Variants in MRPS9 observed in about 807,000 individuals in gnomAD.
The protein encoded by MRPS9 is mitochondrial ribosomal protein S9.
MRPS9 carries 45 observed loss-of-function variants against 59.9 expected under a neutral mutation model. That is an observed-to-expected ratio of 0.75 (90% CI 0.59 to 0.96). MRPS9 has a LOEUF of 0.96. Among genes scored for constraint, MRPS9 ranks in the 40% least tolerant of loss-of-function variants. MRPS9 has a pLI of 0.00. For synonymous variants in MRPS9, 171 were observed against 166.8 expected (o/e 1.03, Z -0.19); for missense variants, 473 against 481.1 (o/e 0.98, Z 0.16).
intron 4 of MRPS9, among the ~76,000 whole-genome samples, chr2:105,074,490 A>C (rs1276559428): frequency 1.3e-5 from 2 of 152,200 alleles, no homozygotes; most frequent in African/African-American, 4.8e-5. Flanking sequence ...CTCTCAAGTA[A>C]GAATTGTTAG....
chr2:105,078,017 C>T (rs1008408555), intron 4 of MRPS9, among the ~76,000 whole-genome samples: 1 of 152,086 alleles, frequency 6.6e-6, no homozygotes, highest in African/African-American at 2.4e-5. Context: ...GCTCATCATA[C>T]CTGGTATCAA....
At chr2:105,073,369 A>C (rs944759930) in intron 4 of MRPS9, among the ~76,000 whole-genome samples, 1 of 152,190 alleles carries the variant, frequency 6.6e-6, no homozygotes, top group Non-Finnish European at 1.5e-5. Context: ...CACTCCTGGT[A>C]GGATTATCTT....
At chr2:105,084,434 G>T (rs550386286) in intron 5 of MRPS9, among the ~76,000 whole-genome samples, 2 of 152,034 alleles carry the variant, frequency 1.3e-5, no homozygotes, top group East Asian at 1.9e-4. Flanking sequence ...TAACCTACTC[G>T]GTTCTTAAAG....
chr2:105,074,075 T>C (rs1339367918), intron 4 of MRPS9, among the ~76,000 whole-genome samples: 1 of 152,156 alleles, frequency 6.6e-6, no homozygotes, highest in Non-Finnish European at 1.5e-5. Context: ...CATATGACTG[T>C]TGAGTTAAAG....
intron 4 of MRPS9, among the ~76,000 whole-genome samples, chr2:105,074,769 A>C (rs902094756): frequency 2.0e-5 from 3 of 152,166 alleles, no homozygotes; most frequent in Non-Finnish European, 4.4e-5. Flanking sequence ...AGTTGAAAGA[A>C]TAATATAATT....
intron 2 of MRPS9, among the ~76,000 whole-genome samples, chr2:105,052,316 TTTG>T (rs1402125299): frequency 6.6e-6 from 1 of 152,206 alleles, no homozygotes; most frequent in Non-Finnish European, 1.5e-5. Context: ...GTTGAACTTT[TTTG>T]TTGTTGTGGT....
intron 2 of MRPS9, among the ~76,000 whole-genome samples, chr2:105,068,084 C>T (rs1466367582): frequency 6.6e-6 from 1 of 152,148 alleles, no homozygotes; most frequent in Non-Finnish European, 1.5e-5. Flanking sequence ...CTGCCTTACA[C>T]CTAGAATCAG....
chr2:105,071,268 T>C (rs2104454523), intron 2 of MRPS9, 45 bp from the exon 3 acceptor site: 2 of 1,513,962 alleles, frequency 1.3e-6, no homozygotes, highest in Non-Finnish European at 1.8e-6. Context: ...AGTTCTAACC[T>C]TGTTTATATA....
rs1052224810 is a variant in MRPS9, at chr2:105,059,146, G to A, written c.315+9796G>A. ...GTGTAACAATTTCTTAAAGTGTAAC[G>A]TTAGTTTGAAACACCTAACAACTTT... On this transcript the variant is annotated intron_variant, in intron 2 of 10. Coordinates refer to ENST00000258455, the MANE Select transcript of MRPS9 (RefSeq NM_182640.3). 4.0e-5 allele frequency among the ~76,000 whole-genome samples: 6 copies of A among 149,960 alleles called. No individual in the cohort carries two copies. The East Asian group carries it at 5.9e-4, about 15-fold the overall frequency.
intron 9 of MRPS9, among the ~76,000 whole-genome samples, chr2:105,095,811 T>G (rs937506622): frequency 1.3e-5 from 2 of 151,872 alleles, no homozygotes; most frequent in African/African-American, 4.8e-5. Flanking sequence ...TTTTCTTTTA[T>G]ATTTACTTTT....
chr2:105,038,418 CT>C (rs1679433350), intron 1 of MRPS9, 191 bp downstream of exon 1: 1 of 703,048 alleles, frequency 1.4e-6, no homozygotes, highest in Non-Finnish European at 2.3e-6. Context: ...GAGGTTGTTA[CT>C]TGTTTTTTTG....
chr2:105,077,461 G>A (rs1033838160), intron 4 of MRPS9, among the ~76,000 whole-genome samples: 2 of 150,782 alleles, frequency 1.3e-5, no homozygotes, highest in African/African-American at 2.4e-5. Flanking sequence ...TAGTAGAGGT[G>A]TAACTTTGAG....
At chr2:105,094,545 A>G (rs997628506) in intron 9 of MRPS9, among the ~76,000 whole-genome samples, 3 of 152,216 alleles carry the variant, frequency 2.0e-5, no homozygotes, top group Non-Finnish European at 2.9e-5. Context: ...CAATGCTGAT[A>G]TAGGCAAAAG....
At chr2:105,040,668 A>G (rs1679485292) in intron 1 of MRPS9, among the ~76,000 whole-genome samples, 1 of 152,146 alleles carries the variant, frequency 6.6e-6, no homozygotes, top group South Asian at 2.1e-4. Flanking sequence ...TACAATTGCA[A>G]ATGTCTGAGT....
intron 4 of MRPS9, among the ~76,000 whole-genome samples, chr2:105,075,701 T>C (rs1435848516): frequency 2.0e-5 from 3 of 152,178 alleles, no homozygotes; most frequent in African/African-American, 7.2e-5. Flanking sequence ...CAGAGGGCCT[T>C]TTTTTCTCTC....
At chr2:105,092,352 G>C in intron 7 of MRPS9, 49 bp from the exon 8 acceptor site, 1 of 1,484,856 alleles carries the variant, frequency 6.7e-7, no homozygotes, top group Non-Finnish European at 9.0e-7. Flanking sequence ...AAAAAATTTA[G>C]CAAATGCAAT....
Position 105,049,247 on chromosome 2 carries a change from A to C in MRPS9, c.212A>C (p.Glu71Ala). The stretch of plus-strand genomic sequence containing the variant: ...ACCTCAAAACGTGAAACTTACACAG[A>C]GGATTTTATTAAAAAGCAGATTGAA... ...VPTSKRETYT[E>A]DFIKKQIEEF... Residue 71 changes from glutamate to alanine, a missense_variant, in exon 2 of 11, where the codon GAG becomes GCG. Coordinates refer to ENST00000258455, the MANE Select transcript of MRPS9 (RefSeq NM_182640.3). 6.2e-7 allele frequency: 1 copy of C among 1,613,506 alleles called. No individual in the cohort carries two copies. The highest frequency in any genetic ancestry group is 1.1e-5 in the South Asian group (1 of 90,996).
At chr2:105,046,393 C>T (rs547979168) in intron 1 of MRPS9, among the ~76,000 whole-genome samples, 67 of 152,122 alleles carry the variant, frequency 4.4e-4, no homozygotes, top group African/African-American at 1.5e-3. Flanking sequence ...TAGTAGAAGA[C>T]ATGTTTTTTG....
intron 5 of MRPS9, among the ~76,000 whole-genome samples, chr2:105,085,893 A>G (rs983670315): frequency 2.0e-5 from 3 of 152,196 alleles, no homozygotes; most frequent in Non-Finnish European, 4.4e-5. Context: ...TACCAGTGGT[A>G]ATCTGTGATG....
Sources: allele counts gnomAD v4.1 joint callset (sites outside exome capture counted in the v4.1 genomes callset), GRCh38; gene constraint gnomAD v4.1.1; transcripts MANE v1.5; gene names NCBI Gene and HGNC (gene_info 2026-07-23, HGNC 2026-07-21).